The following LRP1 variants were observed in gnomAD, a reference collection of about 807,000 sequenced individuals.
The protein encoded by LRP1 is prolow-density lipoprotein receptor-related protein 1.
A neutral mutation model predicts 541.5 loss-of-function variants in LRP1; 51 were observed. That is an observed-to-expected ratio of 0.09 (90% CI 0.08 to 0.12). The LOEUF is 0.12. LRP1 is among the 10% of genes least tolerant of loss of function. LRP1 has a pLI of 1.00. For missense variants in LRP1, 3,878 were observed against 6,376.2 expected (o/e 0.61, Z 13.34); for synonymous variants, 2,219 against 2,470.8 (o/e 0.90, Z 3.02).
chr12:57,190,948 A>G lies in LRP1; in HGVS notation c.7175A>G (p.Tyr2392Cys), dbSNP rs2036365761. The G allele has an allele frequency of 6.2e-7, 1 of 1,613,080 alleles. No individual in the cohort carries two copies. ...ATCGACCACCGTGCCGAGAAGCTCT[A>G]CTTCTCTGACGCCACCCTGGACAAG... The part of the protein sequence containing the change: ...LAIDHRAEKL[Y>C]FSDATLDKIE... Residue 2392 changes from tyrosine to cysteine, a missense_variant, in exon 43 of 89, where the codon TAC (tyrosine) becomes TGC (cysteine). Around this residue, in one of 13 missense-constraint regions of LRP1, gnomAD observed 1,100 missense variants for 1,827.4 expected, o/e 0.60. Coordinates refer to ENST00000243077, the MANE Select transcript of LRP1 (RefSeq NM_002332.3).
Position 57,178,808 on chromosome 12 carries a change from T to C in LRP1, c.4607-82T>C. On this transcript the variant is annotated intron_variant, in intron 27 of 88. Coordinates refer to ENST00000243077, the MANE Select transcript of LRP1 (RefSeq NM_002332.3). This position sits in a 1 kb window ranked among gnomAD's most constrained non-coding sequence, Gnocchi z 5.8. The stretch of plus-strand genomic sequence containing the variant: ...GGCTGCTGGAACAGGGGGAGGAGAG[T>C]GGGCGAGGAAGGGGTGGTCCATGTA... 6.5e-7 allele frequency: 1 copy of C among 1,536,552 alleles called. No individual in the cohort carries two copies.
chr12:57,211,336 G>A lies in LRP1; in HGVS notation c.13077G>A (p.Gly4359=). 1 of 1,613,986 alleles carries A rather than the reference G, an allele frequency of 6.2e-7. No homozygotes were observed. Among genetic ancestry groups the A allele is most frequent in the Non-Finnish European group, 8.5e-7 (1 of 1,179,998 alleles). The change falls in exon 84 of 89, where the codon GGG becomes GGA. Residue 4359 remains glycine, a synonymous_variant. Coordinates refer to ENST00000243077, the MANE Select transcript of LRP1 (RefSeq NM_002332.3). This position sits in a 1 kb window ranked among gnomAD's most constrained non-coding sequence, Gnocchi z 4.3. The stretch of plus-strand genomic sequence containing the variant: ...CCTGTGTGGTCAACAAGCAGAGTGG[G>A]GATGTCACCTGCAAGTGAGTGGGGC... ...EGACVVNKQS[G]DVTCNCTDGR...
At chr12:57,166,362 C>A in intron 17 of LRP1, 153 bp downstream of exon 17, 1 of 1,040,666 alleles carries the variant, frequency 9.6e-7, no homozygotes, top group Non-Finnish European at 1.3e-6. Flanking sequence ...CAAGACCAGC[C>A]TGGCCAACAT....
chr12:57,140,769 G>A lies in LRP1; in HGVS notation c.191-605G>A, dbSNP rs375909271. On this transcript the variant is annotated intron_variant, in intron 2 of 88. Transcript: ENST00000243077. ...TTTGTTTTGAGACAGATCTCGCTCT[G>A]TCGCCCACGCTGGAGTGCAGTGGTG... Among the ~76,000 whole-genome samples, 9 of 152,132 alleles carry A rather than the reference G, an allele frequency of 5.9e-5. 1 individual carries two copies. In the East Asian group the frequency reaches 1.4e-3, roughly 23 times the overall value.
At chr12:57,202,661 C>T (rs1039619263) in intron 68 of LRP1, 124 bp downstream of exon 68, 1 of 688,560 alleles carries the variant, frequency 1.5e-6, no homozygotes, top group African/African-American at 1.8e-5. Context: ...CAGGAGCCGC[C>T]CTCCTCACCC....
chr12:57,191,842 ACACACAC>A (rs201170236), intron 44 of LRP1, among the ~76,000 whole-genome samples: 30,063 of 98,764 alleles, frequency 0.3, 5,040 homozygotes, highest in African/African-American at 0.38. Flanking sequence ...CACATACCAC[ACACACAC>A]CACACACCAC....
chr12:57,135,915 AC>A (rs1311557741), intron 1 of LRP1, among the ~76,000 whole-genome samples: 2 of 151,912 alleles, frequency 1.3e-5, no homozygotes, highest in African/African-American at 4.8e-5. Context: ...TTAGGTGACC[AC>A]CCGGTGACCT....
chr12:57,128,894 A>C lies in LRP1; in HGVS notation c.-71A>C. On this transcript the variant is annotated 5_prime_UTR_variant, in exon 1 of 89. Transcript: ENST00000243077. ...AAAGGAGGAAAAGGGGGACCCCCCA[A>C]CTGGGGGGGGTGAAGGAGAGAAGTA... The C allele has an allele frequency of 7.4e-7, 1 of 1,354,928 alleles. No homozygotes were observed. The highest frequency in any genetic ancestry group is 2.2e-5 in the Admixed American group (1 of 45,582). 83.9% of individuals were successfully genotyped at this position (1,354,928 alleles called of 1,614,324 possible). A position where few individuals can be genotyped will look rare whatever the true frequency, so the allele number is the denominator to read the frequency against.
intron 67 of LRP1, 105 bp from the exon 68 acceptor site, chr12:57,202,316 C>T: frequency 2.7e-5 from 24 of 894,400 alleles, no homozygotes; most frequent in Non-Finnish European, 3.9e-5. Flanking sequence ...CCTTCCCAAG[C>T]TGGGATGCCC....
chr12:57,210,477 T>G lies in LRP1; in HGVS notation c.12751T>G (p.Ser4251Ala), dbSNP rs1250750563. 6.6e-7 allele frequency: 1 copy of G among 1,524,672 alleles called. No homozygotes were observed. Among genetic ancestry groups the G allele is most frequent in the South Asian group, 1.3e-5 (1 of 76,888 alleles). 94.4% of individuals were successfully genotyped at this position (1,524,672 alleles called of 1,614,324 possible). The change falls in exon 82 of 89, where the codon TCT becomes GCT. Residue 4251 changes from serine to alanine, a missense_variant. By Grantham distance (99) the Ser-to-Ala change is moderately conservative. This residue lies in a region of LRP1 where 871 missense variants were observed against 1,212.4 expected (regional missense o/e 0.72). Transcript: ENST00000243077. ...RNGGTCAASP[S>A]GMPTCRCPTG... is the part of the protein sequence containing the mutation. ...TGGGGGCACCTGTGCTGCCTCCCCC[T>G]CTGGTATGCCCCCTCATCCCGCCAC...
At chr12:57,169,691 C>T (rs1489129720) in intron 20 of LRP1, among the ~76,000 whole-genome samples, 2 of 152,162 alleles carry the variant, frequency 1.3e-5, no homozygotes, top group African/African-American at 2.4e-5. Flanking sequence ...AGATCACGCA[C>T]GAAAAGTGCT....
rs1260974351 is a variant in LRP1, at chr12:57,162,931, G to T, written c.2478G>T (p.Gln826His). 6.2e-7 allele frequency: 1 copy of T among 1,608,518 alleles called. No homozygotes were observed. The highest frequency in any genetic ancestry group is 8.5e-7 in the Non-Finnish European group (1 of 1,178,848). Residue 826 changes from glutamine to histidine, a missense_variant, in exon 15 of 89, where the codon CAG becomes CAT. Transcript: ENST00000243077. This position sits in a 1 kb window ranked among gnomAD's most constrained non-coding sequence, Gnocchi z 5.2. Reference protein sequence around the residue: ...SLCLATPGSRQCACAEDQVLD... With the variant: ...SLCLATPGSRHCACAEDQVLD... ...GCTTGGCCACCCCTGGGAGCCGCCA[G>T]TGCGCCTGTGCTGAGGACCAGGTGT... is the stretch of plus-strand genomic sequence containing the variant.
intron 17 of LRP1, among the ~76,000 whole-genome samples, chr12:57,166,664 C>G (rs1213078669): frequency 6.6e-6 from 1 of 152,110 alleles, no homozygotes; most frequent in East Asian, 1.9e-4. Flanking sequence ...ACTGAGAGGG[C>G]TGAGCTTGCA....
chr12:57,202,130 G>A (rs1208278624), intron 67 of LRP1, among the ~76,000 whole-genome samples: 1 of 151,844 alleles, frequency 6.6e-6, no homozygotes, highest in African/African-American at 2.4e-5. Flanking sequence ...CCCTGCCCCT[G>A]CCCACGCCTC....
At chr12:57,155,702 A>G in intron 8 of LRP1, 1 of 172,460 alleles carries the variant, frequency 5.8e-6, no homozygotes, top group Non-Finnish European at 1.2e-5. Context: ...TAATCCCAGC[A>G]CTTTGGGAGG....
Position 57,205,342 on chromosome 12 carries a change from C to T in LRP1, c.11336-9C>T. 1.3e-6 allele frequency: 2 copies of T among 1,598,240 alleles called. No individual in the cohort carries two copies. The highest frequency in any genetic ancestry group is 3.3e-4 in the Middle Eastern group (2 of 6,016). On this transcript the variant is annotated splice_polypyrimidine_tract_variant and intron_variant, in intron 73 of 88. Coordinates refer to ENST00000243077, the MANE Select transcript of LRP1 (RefSeq NM_002332.3). This position sits in a 1 kb window ranked among gnomAD's most constrained non-coding sequence, Gnocchi z 4.6. ...TCAAGGGAGGGCATCCACTCTCTGT[C>T]CCCCACAGACCCCAAGCTGACCAGC...
At chr12:57,174,620 C>T (rs545769030) in intron 22 of LRP1, among the ~76,000 whole-genome samples, 215 of 152,284 alleles carry the variant, frequency 1.4e-3, no homozygotes, top group Middle Eastern at 3.4e-3. Context: ...GCTAAAAATA[C>T]AAAAATTAGC....
At chr12:57,164,205 T>G (rs2035795019) in intron 15 of LRP1, among the ~76,000 whole-genome samples, 1 of 152,050 alleles carries the variant, frequency 6.6e-6, no homozygotes, top group South Asian at 2.1e-4. Context: ...AAGTAAACAG[T>G]ATAGAAAAAC....
At chr12:57,164,846 T>G (rs2035807684) in intron 15 of LRP1, 1 of 151,764 alleles carries the variant, frequency 6.6e-6, no homozygotes, top group South Asian at 2.1e-4. Context: ...GGAGAGGGCG[T>G]TGGCTGAGAG....
Sources: allele counts gnomAD v4.1 joint callset (sites outside exome capture counted in the v4.1 genomes callset), GRCh38; gene constraint gnomAD v4.1.1; regional missense constraint gnomAD v4.1.1; non-coding constraint Gnocchi (gnomAD v3.1); transcripts MANE v1.5; gene names NCBI Gene and HGNC (gene_info 2026-07-23, HGNC 2026-07-21).